CNTN5: variants seen among roughly 807,000 people sequenced by gnomAD.
The protein encoded by CNTN5 is contactin-5.
A neutral mutation model predicts 129.1 loss-of-function variants in CNTN5; 77 were observed. The ratio of observed to expected loss-of-function variants is 0.60; its 90% confidence interval spans 0.50 to 0.72. The LOEUF (loss-of-function observed/expected upper bound fraction) is 0.72, where lower values mean the gene tolerates loss of function less well. Among genes scored for constraint, CNTN5 ranks in the 30% least tolerant of loss-of-function variants. CNTN5 has a pLI of 0.00. For synonymous variants in CNTN5, 509 were observed against 465.6 expected (o/e 1.09, Z -1.20); for missense variants, 1,478 against 1,328.8 (o/e 1.11, Z -1.75).
Position 99,795,761 on chromosome 11 carries a change from A to T in CNTN5, c.56-23783A>T, listed in dbSNP as rs544968055. Among the ~76,000 whole-genome samples the T allele has an allele frequency of 1.6e-4, 24 of 151,824 alleles. 1 individual carries two copies. The East Asian group carries it at 4.7e-3, about 29-fold the overall frequency. ...TCTGGTAGATTTTATGGGGTCTCAG[A>T]CTCGGCTCAGGACTCCTGGGCTGCA... On this transcript the variant is annotated intron_variant, in intron 3 of 24. Transcript: ENST00000524871.
intron 7 of CNTN5, among the ~76,000 whole-genome samples, chr11:99,934,925 TATATATATATATATATATATATAC>T (rs1405108690): frequency 0.046 from 3,404 of 73,512 alleles, 292 homozygotes; most frequent in African/African-American, 0.18. Flanking sequence ...TATATATATA[TATATATATATATATATATATATAC>T]ACACACATAT....
intron 3 of CNTN5, among the ~76,000 whole-genome samples, chr11:99,723,912 A>T (rs1324445370): frequency 6.6e-6 from 1 of 152,198 alleles, no homozygotes; most frequent in East Asian, 1.9e-4. Flanking sequence ...GCAATCAAAT[A>T]GTGGAGCCAG....
At chr11:99,450,102 T>G (rs1158668489) in intron 2 of CNTN5, among the ~76,000 whole-genome samples, 1 of 151,940 alleles carries the variant, frequency 6.6e-6, no homozygotes, top group Non-Finnish European at 1.5e-5. Context: ...GCTAAAACAC[T>G]TTTAGTGTTA....
intron 3 of CNTN5, among the ~76,000 whole-genome samples, chr11:99,657,506 A>G (rs1021674085): frequency 7.9e-5 from 12 of 152,142 alleles, no homozygotes; most frequent in African/African-American, 2.2e-4. Flanking sequence ...TGTAACCTGC[A>G]AAAGGGATTC....
Position 99,859,748 on chromosome 11 carries a change from G to A in CNTN5, c.577+14486G>A, listed in dbSNP as rs141027696. On this transcript the variant is annotated intron_variant, in intron 6 of 24. Coordinates refer to ENST00000524871, the MANE Select transcript of CNTN5 (RefSeq NM_014361.4). ...ACCATATTTCTTTATCCACTCCACT[G>A]TTGATGGGCACCTAGGTTGATTCCA... Among the ~76,000 whole-genome samples the A allele has an allele frequency of 4.9e-4, 75 of 152,178 alleles. No individual in the cohort carries two copies. The East Asian group carries it at 0.014, about 28-fold the overall frequency.
At chr11:99,733,831 A>G (rs978813698) in intron 3 of CNTN5, among the ~76,000 whole-genome samples, 1 of 152,208 alleles carries the variant, frequency 6.6e-6, no homozygotes, top group Non-Finnish European at 1.5e-5. Context: ...AAGCAGTGAT[A>G]AAAAGGAGCG....
At chr11:99,216,572 A>G (rs921244913) in intron 1 of CNTN5, among the ~76,000 whole-genome samples, 5 of 151,802 alleles carry the variant, frequency 3.3e-5, no homozygotes, top group Non-Finnish European at 5.9e-5. Context: ...ATAATCCATC[A>G]TACGCTGGAT....
chr11:99,906,622 T>C (rs1372943923), intron 6 of CNTN5, among the ~76,000 whole-genome samples: 1 of 152,182 alleles, frequency 6.6e-6, no homozygotes, highest in Non-Finnish European at 1.5e-5. Context: ...TTGTTGTGTC[T>C]CTACCAGGTT....
At chr11:99,778,510 A>C (rs1945202857) in intron 3 of CNTN5, among the ~76,000 whole-genome samples, 1 of 151,754 alleles carries the variant, frequency 6.6e-6, no homozygotes, top group Admixed American at 6.6e-5. Flanking sequence ...TCTGTGGGGA[A>C]TTGGTTCTTA....
intron 1 of CNTN5, among the ~76,000 whole-genome samples, chr11:99,208,985 AAT>A (rs1363573488): frequency 2.0e-5 from 3 of 152,138 alleles, no homozygotes; most frequent in Non-Finnish European, 2.9e-5. Flanking sequence ...AGGCCTATTT[AAT>A]ATGTCATTAA....
At chr11:99,689,530 G>GAAA (rs368912453) in intron 3 of CNTN5, among the ~76,000 whole-genome samples, 11,994 of 92,888 alleles carry the variant, frequency 0.13, 1,389 homozygotes, top group East Asian at 0.37. Context: ...CCTCAAAAAA[G>GAAA]AAAAAAAAAA....
intron 9 of CNTN5, among the ~76,000 whole-genome samples, chr11:100,041,030 C>T (rs909281913): frequency 6.6e-6 from 1 of 152,158 alleles, no homozygotes; most frequent in African/African-American, 2.4e-5. Context: ...CCCGGTACCT[C>T]AGTTGGAAAT....
At chr11:100,110,750 T>G (rs1181870759) in intron 13 of CNTN5, among the ~76,000 whole-genome samples, 1 of 152,200 alleles carries the variant, frequency 6.6e-6, no homozygotes, top group East Asian at 1.9e-4. Flanking sequence ...ATTGCATCTT[T>G]AGAATCAGAG....
intron 7 of CNTN5, among the ~76,000 whole-genome samples, chr11:99,950,475 C>T (rs543616065): frequency 1.3e-4 from 19 of 151,414 alleles, no homozygotes; most frequent in Non-Finnish European, 1.9e-4. Context: ...AGCGAGACTC[C>T]GTCTCAAGTA....
At chr11:99,988,142 T>C (rs1479579736) in intron 8 of CNTN5, among the ~76,000 whole-genome samples, 1 of 152,216 alleles carries the variant, frequency 6.6e-6, no homozygotes, top group African/African-American at 2.4e-5. Context: ...TGTTGTGAAT[T>C]GTCTACAGAG....
At chr11:99,616,656 T>C (rs1950769231) in intron 3 of CNTN5, among the ~76,000 whole-genome samples, 1 of 152,126 alleles carries the variant, frequency 6.6e-6, no homozygotes, top group African/African-American at 2.4e-5. Context: ...GCAAAACCTA[T>C]GAAGAAATTT....
chr11:99,646,212 T>G (rs595724), intron 3 of CNTN5, among the ~76,000 whole-genome samples: 90,873 of 151,458 alleles, frequency 0.6, 28,055 homozygotes, highest in Admixed American at 0.69. Context: ...CTGCCTGGAA[T>G]AAAAAATGGA....
At chr11:100,146,301 C>A (rs1946850209) in intron 13 of CNTN5, among the ~76,000 whole-genome samples, 1 of 152,130 alleles carries the variant, frequency 6.6e-6, no homozygotes, top group Non-Finnish European at 1.5e-5. Context: ...ATGTTGGAAT[C>A]ATACAAGATC....
chr11:99,228,691 T>C (rs919566322), intron 1 of CNTN5, among the ~76,000 whole-genome samples: 1 of 152,090 alleles, frequency 6.6e-6, no homozygotes, highest in African/African-American at 2.4e-5. Context: ...TCTTTTTTTA[T>C]ATTTCTTTGA....
Sources: allele counts gnomAD v4.1 joint callset (sites outside exome capture counted in the v4.1 genomes callset), GRCh38; gene constraint gnomAD v4.1.1; transcripts MANE v1.5; gene names NCBI Gene and HGNC (gene_info 2026-07-23, HGNC 2026-07-21).